Variants in PTPRD observed in about 807,000 individuals in gnomAD.
The protein encoded by PTPRD is receptor-type tyrosine-protein phosphatase delta.
A neutral mutation model predicts 214.5 loss-of-function variants in PTPRD; 34 were observed. That is an observed-to-expected ratio of 0.16 (90% CI 0.12 to 0.21). The LOEUF is 0.21. Ranked by LOEUF, PTPRD falls within the 10% of genes least tolerant of loss-of-function variation. PTPRD has a pLI of 1.00. For synonymous variants in PTPRD, 1,128 were observed against 845.7 expected, an observed-to-expected ratio of 1.33 and a Z score of -5.79; for missense variants, 2,545 against 2,398.7, an observed-to-expected ratio of 1.06 and a Z score of -1.27.
intron 7 of PTPRD, among the ~76,000 whole-genome samples, chr9:9,600,976 A>G (rs2093701932): frequency 6.6e-6 from 1 of 152,066 alleles, no homozygotes; most frequent in Non-Finnish European, 1.5e-5. Flanking sequence ...ATTGGTAATG[A>G]GACCTGGATA....
At chr9:10,206,627 T>C (rs912734974) in intron 3 of PTPRD, among the ~76,000 whole-genome samples, 1 of 152,178 alleles carries the variant, frequency 6.6e-6, no homozygotes, top group African/African-American at 2.4e-5. Context: ...ATATCTCAAC[T>C]AAGGTGGAGA....
rs984462838 is a variant in PTPRD at position 10,149,970 on chromosome 9, C to T, written c.-544-116180G>A. Reference sequence around the variant, plus strand: ...GGTCTTGAACTCTTGACATCATGATCCACCTGCCTCGGCCTCCCAAAGTGC... The same window carrying T: ...GGTCTTGAACTCTTGACATCATGATTCACCTGCCTCGGCCTCCCAAAGTGC... On this transcript the variant is annotated intron_variant, in intron 3 of 45. Coordinates refer to ENST00000381196, the MANE Select transcript of PTPRD (RefSeq NM_002839.4). Among the ~76,000 whole-genome samples the T allele has an allele frequency of 3.1e-4, 47 of 152,050 alleles. 1 individual carries two copies. Among genetic ancestry groups the T allele is most frequent in the South Asian group, 2.1e-4 (1 of 4,804 alleles).
At chr9:8,855,924 A>G (rs956890976) in intron 11 of PTPRD, among the ~76,000 whole-genome samples, 4 of 152,184 alleles carry the variant, frequency 2.6e-5, no homozygotes, top group African/African-American at 9.7e-5. Context: ...TGAAAGTACA[A>G]TAATAGCTGA....
rs114044998 is a variant in PTPRD at position 9,667,247 on chromosome 9, G to A, written c.-287+67286C>T. On this transcript the variant is annotated intron_variant, in intron 7 of 45. Transcript: ENST00000381196. The stretch of plus-strand genomic sequence containing the variant: ...TGCAATCATTTCCACCTCTATCAAA[G>A]CTCCAAATATTACCATACCTTGCTC... Among the ~76,000 whole-genome samples the A allele has an allele frequency of 2.8e-3, 433 of 152,030 alleles. 2 individuals carry two copies. The highest frequency in any genetic ancestry group is 9.9e-3 in the African/African-American group (409 of 41,494).
intron 8 of PTPRD, among the ~76,000 whole-genome samples, chr9:9,530,753 G>C (rs76700118): frequency 6.6e-6 from 1 of 152,106 alleles, no homozygotes; most frequent in Non-Finnish European, 1.5e-5. Flanking sequence ...ATGGAACAGA[G>C]GTGATATTAA....
In PTPRD at chr9:8,557,455, T is replaced by TATATATATATAC; in HGVS notation, c.353-28677_353-28676insGTATATATATAT. 1.4e-3 allele frequency among the ~76,000 whole-genome samples: 192 copies of TATATATATATAC among 135,614 alleles called. 9 individuals are homozygous for TATATATATATAC. The East Asian group carries it at 0.027, about 19-fold the overall frequency. 89.0% of individuals were successfully genotyped at this position (135,614 alleles called of 152,430 possible). On this transcript the variant is annotated intron_variant, in intron 14 of 45. Coordinates refer to ENST00000381196, the MANE Select transcript of PTPRD (RefSeq NM_002839.4). Reference sequence around the variant, plus strand: ...AAATACATATATATATATATATATATATTTGGGCCGGGCGCGGTGGCTCAT... The same window carrying TATATATATATAC: ...AAATACATATATATATATATATATATATATATATATACATTTGGGCCGGGCGCGGTGGCTCAT...
intron 2 of PTPRD, among the ~76,000 whole-genome samples, chr9:10,593,708 T>A (rs2076024414): frequency 1.3e-5 from 2 of 152,014 alleles, no homozygotes; most frequent in South Asian, 4.1e-4. Context: ...AGACAACATT[T>A]TTTATCTTGA....
rs143637929 is a variant in PTPRD at position 9,687,907 on chromosome 9, A to G, written c.-287+46626T>C. Among the ~76,000 whole-genome samples the G allele has an allele frequency of 3.9e-5, 6 of 151,940 alleles. No homozygotes were observed. The South Asian group carries it at 6.2e-4, about 16-fold the overall frequency. On this transcript the variant is annotated intron_variant, in intron 7 of 45. Coordinates refer to ENST00000381196, the MANE Select transcript of PTPRD (RefSeq NM_002839.4). ...TCTTATCTCGAATTGTAATCCCAAT[A>G]AGTTAAGGGAAGAACCTGGTGGGAG...
chr9:8,991,342 C>A (rs1220796265), intron 11 of PTPRD, among the ~76,000 whole-genome samples: 4 of 152,014 alleles, frequency 2.6e-5, no homozygotes, highest in Non-Finnish European at 4.4e-5. Flanking sequence ...TCTTGTTAAC[C>A]TATCTTTTGT....
intron 2 of PTPRD, among the ~76,000 whole-genome samples, chr9:10,472,498 G>A (rs2099037421): frequency 6.7e-6 from 1 of 149,912 alleles, no homozygotes; most frequent in South Asian, 2.1e-4. Context: ...AGTAGTTGGG[G>A]ACTGGCGGAA....
chr9:9,756,336 T>C (rs2098577703), intron 6 of PTPRD, among the ~76,000 whole-genome samples: 1 of 152,144 alleles, frequency 6.6e-6, no homozygotes, highest in Non-Finnish European at 1.5e-5. Flanking sequence ...GAGTGCTTGC[T>C]AGAACACTAG....
At chr9:9,999,236 T>C (rs937756158) in intron 4 of PTPRD, among the ~76,000 whole-genome samples, 22 of 152,196 alleles carry the variant, frequency 1.4e-4, no homozygotes, top group African/African-American at 4.6e-4. Flanking sequence ...ATCTCCTGGA[T>C]GCACCACACT....
At chr9:8,456,254 G>C (rs1249496379) in intron 33 of PTPRD, among the ~76,000 whole-genome samples, 1 of 152,144 alleles carries the variant, frequency 6.6e-6, no homozygotes, top group East Asian at 1.9e-4. Flanking sequence ...TAACGCAGTA[G>C]GTTCTACAAC....
At chr9:8,503,958 C>T (rs1048546377) in intron 23 of PTPRD, among the ~76,000 whole-genome samples, 13 of 152,266 alleles carry the variant, frequency 8.5e-5, no homozygotes, top group African/African-American at 3.1e-4. Flanking sequence ...GCTTTAAAGA[C>T]TTGTAATTCA....
At chr9:9,275,163 A>AT (rs1944906507) in intron 9 of PTPRD, among the ~76,000 whole-genome samples, 2 of 50,284 alleles carry the variant, frequency 4.0e-5, no homozygotes, top group Non-Finnish European at 6.4e-5. Context: ...TTATATATAT[A>AT]ACATATATAT....
intron 9 of PTPRD, among the ~76,000 whole-genome samples, chr9:9,231,790 G>C (rs2099963282): frequency 6.6e-6 from 1 of 151,858 alleles, no homozygotes; most frequent in South Asian, 2.1e-4. Flanking sequence ...GTACAGGTTT[G>C]TTACATAGGT....
intron 3 of PTPRD, among the ~76,000 whole-genome samples, chr9:10,235,545 C>T (rs1173599901): frequency 6.6e-6 from 1 of 151,980 alleles, no homozygotes; most frequent in East Asian, 1.9e-4. Flanking sequence ...TTGGTGATAT[C>T]ACTTAAGCCT....
intron 9 of PTPRD, among the ~76,000 whole-genome samples, chr9:9,290,823 G>C (rs142500218): frequency 1.3e-5 from 2 of 151,312 alleles, no homozygotes; most frequent in Non-Finnish European, 3.0e-5. Context: ...TCATTAATTC[G>C]TTAGGTAATC....
At chr9:9,709,899 CATT>C (rs1424687761) in intron 7 of PTPRD, among the ~76,000 whole-genome samples, 2 of 151,868 alleles carry the variant, frequency 1.3e-5, no homozygotes, top group Non-Finnish European at 2.9e-5. Context: ...AATTAAATCC[CATT>C]AATAGAATAT....
Sources: allele counts gnomAD v4.1 joint callset (sites outside exome capture counted in the v4.1 genomes callset), GRCh38; gene constraint gnomAD v4.1.1; transcripts MANE v1.5; gene names NCBI Gene and HGNC (gene_info 2026-07-23, HGNC 2026-07-21).